The following TSHZ2 variants were observed in gnomAD, a reference collection of about 807,000 sequenced individuals.
TSHZ2 encodes teashirt zinc finger homeobox 2.
In TSHZ2, 21 loss-of-function variants were observed where a neutral mutation model predicts 74.4. That is an observed-to-expected ratio of 0.28 (90% CI 0.20 to 0.41). The LOEUF is 0.41. TSHZ2 is among the 10% of genes least tolerant of loss of function. The pLI, the probability that TSHZ2 is intolerant of heterozygous loss-of-function variation, is 1.00. For missense variants in TSHZ2, 1,244 were observed against 1,293.5 expected, an observed-to-expected ratio of 0.96 and a Z score of 0.59; for synonymous variants, 540 against 515.3, an observed-to-expected ratio of 1.05 and a Z score of -0.65.
At chr20:53,122,221 C>A (rs1986829397) in intron 1 of TSHZ2, among the ~76,000 whole-genome samples, 1 of 147,914 alleles carries the variant, frequency 6.8e-6, no homozygotes, top group Admixed American at 6.9e-5. Flanking sequence ...CCAGCAGGTG[C>A]AGGATGTGGT....
intron 1 of TSHZ2, among the ~76,000 whole-genome samples, chr20:53,187,730 A>G (rs1293200165): frequency 1.4e-5 from 2 of 145,684 alleles, no homozygotes; most frequent in African/African-American, 5.1e-5. Context: ...GGAAATGCTG[A>G]TGGGAAAGAA....
At chr20:53,001,234 G>GTGTGTATGTGTGTGTGTGTGTGTGTA (rs1982423773) in intron 1 of TSHZ2, among the ~76,000 whole-genome samples, 3 of 137,728 alleles carry the variant, frequency 2.2e-5, no homozygotes, top group South Asian at 4.4e-4. Context: ...GTGTGTGTGT[G>GTGTGTATGTGTGTGTGTGTGTGTGTA]TGTGTGTGTG....
At chr20:53,346,339 G>A (rs1053174480) in intron 2 of TSHZ2, among the ~76,000 whole-genome samples, 23 of 152,124 alleles carry the variant, frequency 1.5e-4, no homozygotes, top group African/African-American at 5.6e-4. Flanking sequence ...GCATTGCAGA[G>A]ACAACAAAGG....
chr20:53,157,930 C>T (rs1182116461), intron 1 of TSHZ2, among the ~76,000 whole-genome samples: 1 of 151,594 alleles, frequency 6.6e-6, no homozygotes, highest in Non-Finnish European at 1.5e-5. Flanking sequence ...TGGGCAGTCA[C>T]AGCCACAAAC....
rs531364517 is a variant in TSHZ2, at chr20:53,087,653, T to A, written c.40+114320T>A. ...AAGGTCTTACAGTTCTTGGTAAAAC[T>A]CTTGGAAAAGACTTTCTTTTTTGAT... On this transcript the variant is annotated intron_variant, in intron 1 of 2. Coordinates refer to ENST00000371497, the MANE Select transcript of TSHZ2 (RefSeq NM_173485.6). Among the ~76,000 whole-genome samples, 11 of 152,348 alleles carry A rather than the reference T, an allele frequency of 7.2e-5. No individual in the cohort carries two copies. In the South Asian group the frequency reaches 2.3e-3, roughly 32 times the overall value.
chr20:53,052,213 T>A (rs1465332537), intron 1 of TSHZ2, among the ~76,000 whole-genome samples: 2 of 152,158 alleles, frequency 1.3e-5, no homozygotes, highest in African/African-American at 4.8e-5. Flanking sequence ...AGGTACCTCA[T>A]GTACGTAGAA....
At chr20:53,040,095 A>C (rs1274468248) in intron 1 of TSHZ2, among the ~76,000 whole-genome samples, 1 of 152,006 alleles carries the variant, frequency 6.6e-6, no homozygotes. Flanking sequence ...ACAGAGCAAG[A>C]CTCCGTCTAA....
rs1985288065 is a variant in TSHZ2 at position 53,073,968 on chromosome 20, C to G, written c.40+100635C>G. ...GGATTTTGCTACATACTTTGGGATG[C>G]CTGGTGATGTGTGAGGTGCTTCCAC... On this transcript the variant is annotated intron_variant, in intron 1 of 2. Transcript: ENST00000371497. Among the ~76,000 whole-genome samples, 7 of 152,212 alleles carry G rather than the reference C, an allele frequency of 4.6e-5. No individual in the cohort carries two copies. The South Asian group carries it at 1.5e-3, about 32-fold the overall frequency.
chr20:53,219,030 C>T (rs570180238), intron 1 of TSHZ2, among the ~76,000 whole-genome samples: 2 of 152,260 alleles, frequency 1.3e-5, no homozygotes, highest in Non-Finnish European at 2.9e-5. Flanking sequence ...CTTGCTAAGC[C>T]CCCAGCTGCA....
intron 1 of TSHZ2, 42 bp downstream of exon 1, chr20:52,973,375 A>G (rs1309745172): frequency 5.8e-6 from 9 of 1,548,150 alleles, no homozygotes; most frequent in Non-Finnish European, 7.9e-6. Flanking sequence ...CTGTGCGCCG[A>G]GCTCCTCGCC....
At chr20:53,073,033 TCCTC>T (rs1464687147) in intron 1 of TSHZ2, among the ~76,000 whole-genome samples, 2 of 65,006 alleles carry the variant, frequency 3.1e-5, no homozygotes, top group Non-Finnish European at 3.6e-5. Flanking sequence ...ATCCATCCCT[TCCTC>T]CATCCATTCC....
intron 1 of TSHZ2, among the ~76,000 whole-genome samples, chr20:52,991,393 C>T (rs61722560): frequency 0.066 from 1,288 of 19,544 alleles, no homozygotes; most frequent in Admixed American, 0.077. Context: ...TTGTGGGTAT[C>T]AGTGTGTGTT....
intron 2 of TSHZ2, among the ~76,000 whole-genome samples, chr20:53,301,593 A>T (rs1285739440): frequency 6.6e-6 from 1 of 152,218 alleles, no homozygotes; most frequent in Non-Finnish European, 1.5e-5. Context: ...GAATACCTCA[A>T]CCAAACGACG....
intron 1 of TSHZ2, among the ~76,000 whole-genome samples, chr20:53,224,877 A>C (rs1989647747): frequency 2.0e-5 from 3 of 151,834 alleles, no homozygotes; most frequent in South Asian, 4.2e-4. Context: ...AAAAGAACTT[A>C]ATAAATGGTT....
intron 1 of TSHZ2, among the ~76,000 whole-genome samples, chr20:53,038,874 G>GTTTGT (rs1555817840): frequency 4.6e-5 from 5 of 109,092 alleles, no homozygotes; most frequent in Admixed American, 1.8e-4. Flanking sequence ...TTTTTTGTTT[G>GTTTGT]TTTGTTTTGT....
At chr20:53,104,838 C>T (rs1040325545) in intron 1 of TSHZ2, among the ~76,000 whole-genome samples, 1 of 152,152 alleles carries the variant, frequency 6.6e-6, no homozygotes, top group Non-Finnish European at 1.5e-5. Flanking sequence ...TGCAAGGCAT[C>T]GAAGCAATTA....
chr20:53,335,052 C>G (rs1195083197), intron 2 of TSHZ2, among the ~76,000 whole-genome samples: 1 of 152,174 alleles, frequency 6.6e-6, no homozygotes, highest in Non-Finnish European at 1.5e-5. Flanking sequence ...TGCCCAGAGG[C>G]CAGTTAGGAG....
Position 53,256,689 on chromosome 20 carries a change from G to A in TSHZ2, c.*8+118G>A, listed in dbSNP as rs1990491703. 8 of 1,413,362 alleles carry A rather than the reference G, an allele frequency of 5.7e-6. No homozygotes were observed. The highest frequency in any genetic ancestry group is 6.5e-6 in the Non-Finnish European group (7 of 1,077,704). 87.6% of individuals were successfully genotyped at this position (1,413,362 alleles called of 1,614,324 possible). A position where few individuals can be genotyped will look rare whatever the true frequency, so the allele number is the denominator to read the frequency against. On this transcript the variant is annotated intron_variant, in intron 2 of 2. Coordinates refer to ENST00000371497, the MANE Select transcript of TSHZ2 (RefSeq NM_173485.6). The surrounding 1 kb of genome is among the most constrained non-coding windows in gnomAD (Gnocchi z 4.3). ...TGCCAAGCAGGATAGTAGCTTGCTG[G>A]AGTAGGATTTATTTTAATGAAAGAC...
At chr20:53,309,274 T>G (rs1032672995) in intron 2 of TSHZ2, among the ~76,000 whole-genome samples, 4 of 152,226 alleles carry the variant, frequency 2.6e-5, no homozygotes, top group Non-Finnish European at 5.9e-5. Context: ...GAAGTGTTTC[T>G]TCTGAAATCA....
Sources: allele counts gnomAD v4.1 joint callset (sites outside exome capture counted in the v4.1 genomes callset), GRCh38; gene constraint gnomAD v4.1.1; non-coding constraint Gnocchi (gnomAD v3.1); transcripts MANE v1.5; gene names NCBI Gene and HGNC (gene_info 2026-07-23, HGNC 2026-07-21).